The following PTPRT variants were observed in gnomAD, a reference collection of about 807,000 sequenced individuals.
PTPRT encodes protein tyrosine phosphatase receptor type T.
Under a neutral mutation model 176.8 loss-of-function variants are expected in PTPRT, and 56 were observed. That is an observed-to-expected ratio of 0.32 (90% confidence interval 0.26 to 0.40). The LOEUF is 0.40. Among genes scored for constraint, PTPRT ranks in the 10% least tolerant of loss-of-function variants. The pLI is 1.00. For missense variants in PTPRT, 1,540 were observed against 1,908.2 expected (o/e 0.81, Z 3.60); for synonymous variants, 783 against 739.0 (o/e 1.06, Z -0.96).
At chr20:43,177,855 A>C (rs558051367) in intron 1 of PTPRT, among the ~76,000 whole-genome samples, 1 of 152,368 alleles carries the variant, frequency 6.6e-6, no homozygotes, top group African/African-American at 2.4e-5. Flanking sequence ...TTCTAAAGGC[A>C]GCAGTAACTT....
chr20:43,185,432 G>A (rs1161161164), intron 1 of PTPRT, among the ~76,000 whole-genome samples: 2 of 152,186 alleles, frequency 1.3e-5, no homozygotes, highest in Admixed American at 6.5e-5. Flanking sequence ...GAAACAGAAT[G>A]CATCCAAATG....
intron 1 of PTPRT, among the ~76,000 whole-genome samples, chr20:43,149,648 T>C (rs867473774): frequency 6.6e-6 from 1 of 152,234 alleles, no homozygotes; most frequent in African/African-American, 2.4e-5. Flanking sequence ...CATTGTACAG[T>C]TGTGAAAATT....
intron 1 of PTPRT, among the ~76,000 whole-genome samples, chr20:43,146,299 C>T (rs772324000): frequency 1.3e-4 from 20 of 152,038 alleles, no homozygotes; most frequent in Non-Finnish European, 1.8e-4. Flanking sequence ...AAATATTTGA[C>T]GAAAGACATA....
At chr20:42,175,202 C>T (rs1406136444) in intron 16 of PTPRT, among the ~76,000 whole-genome samples, 1 of 152,160 alleles carries the variant, frequency 6.6e-6, no homozygotes, top group Non-Finnish European at 1.5e-5. Flanking sequence ...TGTCCTTTGG[C>T]TATGTTCCAG....
chr20:42,680,155 C>A (rs984606145), intron 6 of PTPRT, among the ~76,000 whole-genome samples: 1 of 152,152 alleles, frequency 6.6e-6, no homozygotes, highest in Non-Finnish European at 1.5e-5. Flanking sequence ...CTAAGCATTT[C>A]CCTTCCAATT....
chr20:42,146,512 G>A (rs905328286), intron 17 of PTPRT, among the ~76,000 whole-genome samples: 18 of 152,276 alleles, frequency 1.2e-4, no homozygotes, highest in Middle Eastern at 6.8e-3. Context: ...CAAAGCCAAG[G>A]TCCTTCTCAA....
chr20:42,694,572 T>C (rs556021491), intron 6 of PTPRT, among the ~76,000 whole-genome samples: 1 of 152,056 alleles, frequency 6.6e-6, no homozygotes, highest in Admixed American at 6.6e-5. Flanking sequence ...TTCCTTGGAG[T>C]TCAATCTCTG....
chr20:42,080,860 G>T lies in PTPRT; in HGVS notation c.*19C>A, dbSNP rs763158153. The T allele has an allele frequency of 1.2e-6, 2 of 1,601,016 alleles. No individual in the cohort carries two copies. Among genetic ancestry groups the T allele is most frequent in the Non-Finnish European group, 8.6e-7 (1 of 1,169,002 alleles). ...TCACAGCAGCCTCTGGACTCCGGCA[G>T]GTTCCCCATCCCATTGAGCTAAAAG... On this transcript the variant is annotated 3_prime_UTR_variant, in exon 31 of 31. Transcript: ENST00000373187.
At chr20:42,965,594 T>G (rs1300570820) in intron 1 of PTPRT, among the ~76,000 whole-genome samples, 1 of 152,194 alleles carries the variant, frequency 6.6e-6, no homozygotes, top group Non-Finnish European at 1.5e-5. Context: ...CCAGGCTGAT[T>G]CCAGCATATC....
At chr20:42,171,633 C>T (rs1037052040) in intron 16 of PTPRT, among the ~76,000 whole-genome samples, 122 of 152,124 alleles carry the variant, frequency 8.0e-4, no homozygotes, top group African/African-American at 2.8e-3. Flanking sequence ...GCATCAACTA[C>T]TAGCATAACA....
intron 12 of PTPRT, among the ~76,000 whole-genome samples, chr20:42,283,901 C>T (rs547611918): frequency 6.1e-4 from 93 of 152,208 alleles, no homozygotes; most frequent in South Asian, 6.0e-3. Context: ...ACTTCTATTA[C>T]GTCCAAGTAT....
chr20:42,145,497 C>CACAGATAGATAG (rs1988821063), intron 17 of PTPRT, among the ~76,000 whole-genome samples: 1 of 144,444 alleles, frequency 6.9e-6, no homozygotes, highest in Non-Finnish European at 1.5e-5. Context: ...GACTTTGTCT[C>CACAGATAGATAG]ATAGATAGAT....
At chr20:42,286,185 T>C (rs1054766947) in intron 12 of PTPRT, among the ~76,000 whole-genome samples, 1 of 151,920 alleles carries the variant, frequency 6.6e-6, no homozygotes, top group Non-Finnish European at 1.5e-5. Flanking sequence ...GAATGTAATC[T>C]CTATCAAAAT....
chr20:42,742,435 C>T (rs1305575517), intron 6 of PTPRT, among the ~76,000 whole-genome samples: 1 of 152,188 alleles, frequency 6.6e-6, no homozygotes, highest in Non-Finnish European at 1.5e-5. Flanking sequence ...AGTGAAGTTA[C>T]TGGATGAGGA....
At chr20:42,180,352 T>C (rs1424790397) in intron 16 of PTPRT, among the ~76,000 whole-genome samples, 3 of 152,194 alleles carry the variant, frequency 2.0e-5, no homozygotes, top group Admixed American at 6.5e-5. Context: ...CTCACATCTG[T>C]TACCTTTTTA....
At chr20:42,589,911 C>A (rs1198463443) in intron 7 of PTPRT, among the ~76,000 whole-genome samples, 2 of 152,176 alleles carry the variant, frequency 1.3e-5, no homozygotes, top group Non-Finnish European at 2.9e-5. Flanking sequence ...ACTTATCCCA[C>A]AAGTTCTTAC....
chr20:42,363,681 A>G (rs142120990), intron 9 of PTPRT, among the ~76,000 whole-genome samples: 1 of 152,166 alleles, frequency 6.6e-6, no homozygotes, highest in Non-Finnish European at 1.5e-5. Flanking sequence ...CTTGCCAAGC[A>G]CTTTCCACAC....
Position 42,554,859 on chromosome 20 carries a change from G to T in PTPRT, c.1154-82297C>A, listed in dbSNP as rs549629316. Among the ~76,000 whole-genome samples the T allele has an allele frequency of 2.6e-5, 4 of 152,296 alleles. No individual in the cohort carries two copies. In the South Asian group the frequency reaches 8.3e-4, roughly 32 times the overall value. On this transcript the variant is annotated intron_variant, in intron 7 of 30. Coordinates refer to ENST00000373187, the MANE Select transcript of PTPRT (RefSeq NM_007050.6). ...AGATTTTATGTAAAAGGTGAGGCAAGTTGGGGAGTTATTATTTTTTAGATT... is the reference window on the plus strand; with the variant it reads ...AGATTTTATGTAAAAGGTGAGGCAATTTGGGGAGTTATTATTTTTTAGATT...
At position 42,352,989 on chromosome 20, in the gene PTPRT, G is replaced by A. The variant is rs545569856; in HGVS notation, c.1561-704C>T. Among the ~76,000 whole-genome samples the A allele has an allele frequency of 1.5e-3, 221 of 152,202 alleles. 1 individual carries two copies. Among genetic ancestry groups the A allele is most frequent in the Non-Finnish European group, 2.5e-3 (170 of 68,008 alleles). On this transcript the variant is annotated intron_variant, in intron 9 of 30. Coordinates refer to ENST00000373187, the MANE Select transcript of PTPRT (RefSeq NM_007050.6). ...AACAACACATCTTGTTGAACCCAGT[G>A]TATCCAAACTATTATCATTTCAATC...
Sources: gnomAD v4.1 joint callset for allele counts (sites outside exome capture counted in the v4.1 genomes callset) on GRCh38, gnomAD v4.1.1 for gene constraint, MANE v1.5 for transcripts, NCBI Gene and HGNC (gene_info 2026-07-23, HGNC 2026-07-21) for gene names.